HOMER3: variants seen among roughly 807,000 people sequenced by gnomAD.
HOMER3 encodes homer scaffold protein 3.
Under a neutral mutation model 45.5 loss-of-function variants are expected in HOMER3, and 34 were observed. The observed-to-expected ratio is 0.75, with a 90% CI of 0.57 to 1.00. HOMER3 has a LOEUF of 1.00. Among genes scored for constraint, HOMER3 ranks in the 50% least tolerant of loss-of-function variants. The pLI is 0.00. For missense variants in HOMER3, 480 were observed against 497.5 expected (o/e 0.96, Z 0.33); for synonymous variants, 223 against 208.8 (o/e 1.07, Z -0.58).
intron 4 of HOMER3, among the ~76,000 whole-genome samples, chr19:18,937,037 G>A (rs1201135650): frequency 6.6e-6 from 1 of 151,718 alleles, no homozygotes; most frequent in East Asian, 1.9e-4. Context: ...TGGGTGCAGT[G>A]GCTCAAGCCT....
At chr19:18,933,779 A>C (rs1463153494) in intron 5 of HOMER3, among the ~76,000 whole-genome samples, 2 of 151,652 alleles carry the variant, frequency 1.3e-5, no homozygotes, top group Non-Finnish European at 2.9e-5. Context: ...ATCTCGGCTC[A>C]CTGCAACCTC....
At chr19:18,932,274 C>G in intron 6 of HOMER3, 142 bp from the exon 7 acceptor site, 1 of 587,568 alleles carries the variant, frequency 1.7e-6, no homozygotes. Flanking sequence ...CGGAGTCGTG[C>G]GCGAAGTTGG....
chr19:18,935,770 A>G (rs1196383555), intron 4 of HOMER3, among the ~76,000 whole-genome samples: 1 of 152,196 alleles, frequency 6.6e-6, no homozygotes, highest in African/African-American at 2.4e-5. Flanking sequence ...CTGTAATCCC[A>G]GCACTTTGGG....
intron 1 of HOMER3, chr19:18,940,785 C>T (rs2057147925): frequency 6.6e-6 from 1 of 152,320 alleles, no homozygotes. Flanking sequence ...AGTACCCCAC[C>T]CCAGGTCCGC....
Position 18,934,473 on chromosome 19 carries a change from C to T in HOMER3, c.304-63G>A, listed in dbSNP as rs534470787. ...CCCATCCTCCCAAACAGGTCACCATCACTCAGTGACAGCCCCGCCACTTTC... is the reference window on the plus strand; with the variant it reads ...CCCATCCTCCCAAACAGGTCACCATTACTCAGTGACAGCCCCGCCACTTTC... On this transcript the variant is annotated intron_variant, in intron 4 of 9. Transcript: ENST00000392351. The T allele has an allele frequency of 1.7e-4, 161 of 956,834 alleles. 3 individuals carry two copies. The South Asian group carries it at 2.9e-3, about 17-fold the overall frequency. The allele number at this position is 956,834 out of a possible 1,614,324, so 59.3% of individuals were successfully genotyped here.
At chr19:18,936,235 C>T (rs2057090803) in intron 4 of HOMER3, among the ~76,000 whole-genome samples, 2 of 150,596 alleles carry the variant, frequency 1.3e-5, no homozygotes, top group Non-Finnish European at 3.0e-5. Context: ...ATTGCTTGAA[C>T]CGGGGAGGCG....
At chr19:18,934,029 G>T (rs1479853295) in intron 5 of HOMER3, among the ~76,000 whole-genome samples, 1 of 152,068 alleles carries the variant, frequency 6.6e-6, no homozygotes, top group Non-Finnish European at 1.5e-5. Context: ...TCAATTTCTA[G>T]TCTTCCATCC....
chr19:18,939,116 C>G (rs1303156472), intron 1 of HOMER3, 67 bp from the exon 2 acceptor site: 4 of 862,984 alleles, frequency 4.6e-6, no homozygotes, highest in Non-Finnish European at 6.9e-6. Flanking sequence ...CAGGTTCCAT[C>G]TCAGGACCCA....
rs763603379 is a variant in HOMER3, at chr19:18,931,660, G to A, written c.691-35C>T. On this transcript the variant is annotated intron_variant, in intron 7 of 9. Coordinates refer to ENST00000392351, the MANE Select transcript of HOMER3 (RefSeq NM_004838.4). Reference sequence around the variant, plus strand: ...AGGAATAGCAGCCCCTGACGCCCCCGCCTGCACTCTCCCTTGCTCGCCCAA... The same window carrying A: ...AGGAATAGCAGCCCCTGACGCCCCCACCTGCACTCTCCCTTGCTCGCCCAA... 20 of 1,560,544 alleles carry A rather than the reference G, an allele frequency of 1.3e-5. No homozygotes were observed. In the South Asian group the frequency reaches 1.3e-4, roughly 10 times the overall value.
At chr19:18,936,889 G>A (rs1601284513) in intron 4 of HOMER3, among the ~76,000 whole-genome samples, 1 of 151,912 alleles carries the variant, frequency 6.6e-6, no homozygotes, top group East Asian at 1.9e-4. Flanking sequence ...CTACTAGGGA[G>A]GCTGAGGCAG....
chr19:18,936,778 A>C (rs2057097650), intron 4 of HOMER3, among the ~76,000 whole-genome samples: 1 of 151,622 alleles, frequency 6.6e-6, no homozygotes, highest in African/African-American at 2.4e-5. Flanking sequence ...TCACGAGGTC[A>C]GGAGATCGAG....
At chr19:18,939,149 A>C (rs1055181958) in intron 1 of HOMER3, 100 bp from the exon 2 acceptor site, 7 of 648,540 alleles carry the variant, frequency 1.1e-5, no homozygotes, top group Non-Finnish European at 1.8e-5. Context: ...CCCGTCATGG[A>C]ACTTTCAATC....
chr19:18,934,977 GATTACAGGCATGCACC>G (rs1357115815), intron 4 of HOMER3, among the ~76,000 whole-genome samples: 4 of 151,670 alleles, frequency 2.6e-5, no homozygotes, highest in African/African-American at 9.7e-5. Flanking sequence ...GAGTAGCTGG[GATTACAGGCATGCACC>G]AGCATGCCTG....
In HOMER3 at chr19:18,938,338, C is replaced by G. The variant is rs747027412; in HGVS notation, c.303+15G>C. 3.1e-6 allele frequency: 5 copies of G among 1,597,074 alleles called. No homozygotes were observed. Among genetic ancestry groups the G allele is most frequent in the Middle Eastern group, 1.7e-4 (1 of 6,028 alleles). On this transcript the variant is annotated intron_variant, in intron 4 of 9. Coordinates refer to ENST00000392351, the MANE Select transcript of HOMER3 (RefSeq NM_004838.4). ...TCTCATCGGTTCCCTCCACTCTCCC[C>G]CTCACCCGGCCCACCTGTGTCAGAT...
chr19:18,929,604 GCTCCAA>G lies in HOMER3; in HGVS notation c.919_924del (p.Leu307_Glu308del). 1 of 1,534,880 alleles carries G rather than the reference GCTCCAA, an allele frequency of 6.5e-7. No individual in the cohort carries two copies. Among genetic ancestry groups the G allele is most frequent in the Non-Finnish European group, 8.8e-7 (1 of 1,139,220 alleles). Reference sequence around the variant, plus strand: ...CTGCGCTCCATCGCCCGCAGCTGGTGCTCCAACTCCGCATTGCGGGTCTCCAGGTCC... The same window carrying G: ...CTGCGCTCCATCGCCCGCAGCTGGTGCTCCGCATTGCGGGTCTCCAGGTCC... On this transcript the variant is annotated inframe_deletion, in exon 10 of 10. Transcript: ENST00000392351.
At chr19:18,936,696 G>A (rs1488313516) in intron 4 of HOMER3, among the ~76,000 whole-genome samples, 1 of 149,800 alleles carries the variant, frequency 6.7e-6, no homozygotes, top group African/African-American at 2.5e-5. Context: ...AATTAGAAAG[G>A]TAAATTGTTG....
At chr19:18,938,160 C>CAAA (rs58780597) in intron 4 of HOMER3, among the ~76,000 whole-genome samples, 193 bp downstream of exon 4, 4 of 147,170 alleles carry the variant, frequency 2.7e-5, no homozygotes, top group African/African-American at 1.0e-4. Flanking sequence ...CAGCCTATCT[C>CAAA]AAAAAAAAAA....
chr19:18,940,772 C>T (rs1283999918), intron 1 of HOMER3: 2 of 152,274 alleles, frequency 1.3e-5, no homozygotes, highest in African/African-American at 2.4e-5. Flanking sequence ...CCCCTCCCAC[C>T]CCAGTACCCC....
In HOMER3 at chr19:18,932,056, G is replaced by T. The variant is rs76187838; in HGVS notation, c.610C>A (p.Arg204=). The stretch of plus-strand genomic sequence containing the variant: ...TGGGCTGCGGCGGCGTTGGCCTCTC[G>T]CAGGGCGCCTGCCAGCTTGTTGTTG... The part of the protein sequence containing the change: ...DSNNKLAGAL[R]EANAAAAQWR... Residue 204 remains arginine (R), a synonymous_variant, in exon 7 of 10, where the codon CGA becomes AGA. Transcript: ENST00000392351. 10 of 1,558,402 alleles carry T rather than the reference G, an allele frequency of 6.4e-6. No individual in the cohort carries two copies. In the Admixed American group the frequency reaches 1.2e-4, roughly 18 times the overall value.
Sources: allele counts gnomAD v4.1 joint callset (sites outside exome capture counted in the v4.1 genomes callset), GRCh38; gene constraint gnomAD v4.1.1; transcripts MANE v1.5; gene names NCBI Gene and HGNC (gene_info 2026-07-23, HGNC 2026-07-21).